The following DLGAP1 variants were observed in gnomAD, a reference collection of about 807,000 sequenced individuals.
The protein encoded by DLGAP1 is DLG associated protein 1, also known as disks large-associated protein 1.
A neutral mutation model predicts 90.8 loss-of-function variants in DLGAP1; 11 were observed. The ratio of observed to expected loss-of-function variants is 0.12; its 90% CI spans 0.08 to 0.20. DLGAP1 has a LOEUF of 0.20. Ranked by LOEUF, DLGAP1 falls within the 10% of genes least tolerant of loss-of-function variation. The probability of loss-of-function intolerance (pLI) is 1.00; values close to 1 mark genes in which losing one functional copy is unlikely to be tolerated. For missense variants in DLGAP1, 1,050 were observed against 1,333.8 expected, an observed-to-expected ratio of 0.79 and a Z score of 3.31; for synonymous variants, 558 against 540.7, an observed-to-expected ratio of 1.03 and a Z score of -0.44.
chr18:3,723,221 CA>C (rs1568016304), intron 7 of DLGAP1, among the ~76,000 whole-genome samples: 1 of 152,102 alleles, frequency 6.6e-6, no homozygotes, highest in Non-Finnish European at 1.5e-5. Context: ...AGCAGGTAAA[CA>C]AATGGGTGTG....
chr18:3,804,497 A>AT (rs1469366076), intron 5 of DLGAP1, among the ~76,000 whole-genome samples: 2 of 152,220 alleles, frequency 1.3e-5, no homozygotes, highest in African/African-American at 4.8e-5. Flanking sequence ...TAACATGCTA[A>AT]TGTGTACCTG....
At chr18:3,511,651 G>C (rs1192064011) in intron 10 of DLGAP1, among the ~76,000 whole-genome samples, 4 of 151,926 alleles carry the variant, frequency 2.6e-5, no homozygotes, top group African/African-American at 9.7e-5. Context: ...GGCTGGTCTT[G>C]AACTCCTGGG....
intron 5 of DLGAP1, among the ~76,000 whole-genome samples, chr18:3,777,250 C>T (rs9965669): frequency 0.14 from 21,891 of 151,916 alleles, 1,680 homozygotes; most frequent in African/African-American, 0.16. Context: ...TGGCAGAGAG[C>T]GGGGAAAGGG....
chr18:4,048,128 CTG>C (rs1416716125), intron 2 of DLGAP1, among the ~76,000 whole-genome samples: 1 of 152,112 alleles, frequency 6.6e-6, no homozygotes, highest in Non-Finnish European at 1.5e-5. Context: ...TAGAAGGAGA[CTG>C]TTGTTCATCT....
chr18:4,020,034 G>T (rs1207490913), intron 2 of DLGAP1, among the ~76,000 whole-genome samples: 4 of 152,190 alleles, frequency 2.6e-5, no homozygotes, highest in African/African-American at 9.7e-5. Flanking sequence ...ATTGGCAACT[G>T]GTTGAGTTTT....
intron 5 of DLGAP1, among the ~76,000 whole-genome samples, chr18:3,790,709 G>A (rs2065691921): frequency 6.6e-6 from 1 of 152,150 alleles, no homozygotes; most frequent in Non-Finnish European, 1.5e-5. Context: ...TTTTAAATTG[G>A]ATATATCCAC....
intron 2 of DLGAP1, among the ~76,000 whole-genome samples, chr18:4,052,135 C>T (rs532608396): frequency 6.6e-6 from 1 of 152,244 alleles, no homozygotes; most frequent in South Asian, 2.1e-4. Context: ...GTTGGTGGAT[C>T]CACCATTTGG....
At position 4,342,661 on chromosome 18, in the gene DLGAP1, G is replaced by A. The variant is rs1419884805; in HGVS notation, c.-267+112345C>T. Among the ~76,000 whole-genome samples, 2 of 152,116 alleles carry A rather than the reference G, an allele frequency of 1.3e-5. No homozygotes were observed. ...TGAAAATGTATTTGTTTTGGTTTTG[G>A]TTAATACTACATTTGCCACAAATCT... On this transcript the variant is annotated intron_variant, in intron 1 of 12. Coordinates refer to ENST00000315677, the MANE Select transcript of DLGAP1 (RefSeq NM_004746.4). This position sits in a 1 kb window ranked among gnomAD's most constrained non-coding sequence, Gnocchi z 5.8.
At chr18:4,436,437 C>T (rs2083399849) in intron 1 of DLGAP1, among the ~76,000 whole-genome samples, 1 of 152,000 alleles carries the variant, frequency 6.6e-6, no homozygotes, top group African/African-American at 2.4e-5. Context: ...TGAGAATATA[C>T]ATTTCTAACA....
intron 7 of DLGAP1, among the ~76,000 whole-genome samples, chr18:3,657,795 G>T (rs1005597805): frequency 6.6e-6 from 1 of 151,544 alleles, no homozygotes; most frequent in Non-Finnish European, 1.5e-5. Flanking sequence ...TAGTAGAGAC[G>T]GGGTTTCACC....
At chr18:3,718,958 G>A (rs1450508420) in intron 7 of DLGAP1, among the ~76,000 whole-genome samples, 1 of 147,296 alleles carries the variant, frequency 6.8e-6, no homozygotes, top group Admixed American at 6.8e-5. Context: ...AATAATGGCT[G>A]AAAATTTCTC....
At chr18:4,276,966 A>G (rs1054292210) in intron 1 of DLGAP1, among the ~76,000 whole-genome samples, 1 of 152,216 alleles carries the variant, frequency 6.6e-6, no homozygotes, top group African/African-American at 2.4e-5. Flanking sequence ...CTCATTACAC[A>G]TTTCATTTGC....
intron 2 of DLGAP1, among the ~76,000 whole-genome samples, chr18:4,020,125 G>T (rs1487054445): frequency 6.6e-6 from 1 of 152,118 alleles, no homozygotes; most frequent in Admixed American, 6.5e-5. Flanking sequence ...CCTCCAAGTA[G>T]CAGGCTTCAG....
chr18:3,505,232 T>C (rs961486758), intron 11 of DLGAP1, among the ~76,000 whole-genome samples: 1 of 152,092 alleles, frequency 6.6e-6, no homozygotes, highest in African/African-American at 2.4e-5. Context: ...GTATAAGGAT[T>C]GTGGTTGAAT....
At chr18:3,924,114 G>C (rs1046912281) in intron 3 of DLGAP1, among the ~76,000 whole-genome samples, 1 of 152,142 alleles carries the variant, frequency 6.6e-6, no homozygotes, top group Admixed American at 6.6e-5. Context: ...ATTTCATGGA[G>C]TGTCACTATT....
At chr18:4,226,442 G>A (rs1209859629) in intron 1 of DLGAP1, among the ~76,000 whole-genome samples, 2 of 151,872 alleles carry the variant, frequency 1.3e-5, no homozygotes, top group Admixed American at 1.3e-4. Context: ...ATCTTGAGTA[G>A]AAAGATTAAA....
chr18:4,106,100 TTTTTG>T lies in DLGAP1; in HGVS notation c.-159+45075_-159+45079del, dbSNP rs547162430. Among the ~76,000 whole-genome samples, 58 of 149,444 alleles carry T rather than the reference TTTTTG, an allele frequency of 3.9e-4. No individual in the cohort carries two copies. The South Asian group carries it at 6.8e-3, about 18-fold the overall frequency. ...AAAACTGCTTAATTTTTAAAAAAGGTTTTTGTTTTGTTTTGTTTTAAGAAGTAGCA... is the reference window on the plus strand; with the variant it reads ...AAAACTGCTTAATTTTTAAAAAAGGTTTTTGTTTTGTTTTAAGAAGTAGCA... On this transcript the variant is annotated intron_variant, in intron 2 of 12. Transcript: ENST00000315677.
chr18:4,338,592 T>C (rs562082684), intron 1 of DLGAP1, among the ~76,000 whole-genome samples: 4 of 152,306 alleles, frequency 2.6e-5, no homozygotes, highest in South Asian at 2.1e-4. Context: ...GAATAGATTA[T>C]AGACAGTTCT....
chr18:3,845,880 T>C (rs531014958), intron 4 of DLGAP1, among the ~76,000 whole-genome samples: 21 of 152,334 alleles, frequency 1.4e-4, no homozygotes, highest in African/African-American at 4.8e-4. Flanking sequence ...CCTTGAGATA[T>C]CAAATTCTCT....
Sources: gnomAD v4.1 joint callset for allele counts (sites outside exome capture counted in the v4.1 genomes callset) on GRCh38, gnomAD v4.1.1 for gene constraint, Gnocchi (gnomAD v3.1) non-coding constraint, MANE v1.5 for transcripts, NCBI Gene and HGNC (gene_info 2026-07-23, HGNC 2026-07-21) for gene names.